The following TLL1 variants were observed in gnomAD, a reference collection of about 807,000 sequenced individuals.
The protein encoded by TLL1 is tolloid like 1, also known as tolloid-like protein 1.
Under a neutral mutation model 128.2 loss-of-function variants are expected in TLL1, and 49 were observed. The ratio of observed to expected loss-of-function variants is 0.38; its 90% confidence interval spans 0.30 to 0.48. The LOEUF (loss-of-function observed/expected upper bound fraction) is 0.48, where lower values mean the gene tolerates loss of function less well. Ranked by LOEUF, TLL1 falls within the 20% of genes least tolerant of loss-of-function variation. The probability of loss-of-function intolerance (pLI) is 0.96; values close to 1 mark genes in which losing one functional copy is unlikely to be tolerated. For missense variants in TLL1, 1,123 were observed against 1,242.0 expected (o/e 0.90, Z 1.44); for synonymous variants, 454 against 418.8 (o/e 1.08, Z -1.03).
At chr4:165,906,759 C>G (rs1344047511) in intron 1 of TLL1, among the ~76,000 whole-genome samples, 2 of 150,854 alleles carry the variant, frequency 1.3e-5, no homozygotes, top group East Asian at 3.9e-4. Context: ...TTGAATTAGG[C>G]CTGTATCTTA....
rs558365812 is a variant in TLL1, at chr4:166,037,537, G to A, written c.1159-1802G>A. On this transcript the variant is annotated intron_variant, in intron 9 of 20. Transcript: ENST00000061240. ...TTAAAACCAATTTATGGCCAGGCAC[G>A]GTGGCTCATGCCTGCAATCCCAGAG... is the stretch of plus-strand genomic sequence containing the variant. Among the ~76,000 whole-genome samples, 11 of 152,220 alleles carry A rather than the reference G, an allele frequency of 7.2e-5. No individual in the cohort carries two copies. The South Asian group carries it at 2.3e-3, about 32-fold the overall frequency.
At chr4:165,923,090 T>C (rs1733105955) in intron 1 of TLL1, among the ~76,000 whole-genome samples, 1 of 152,188 alleles carries the variant, frequency 6.6e-6, no homozygotes, top group African/African-American at 2.4e-5. Flanking sequence ...GGCATTGAAA[T>C]TGGGCTGAGT....
At chr4:165,973,453 T>C (rs1735722141) in intron 1 of TLL1, among the ~76,000 whole-genome samples, 1 of 151,970 alleles carries the variant, frequency 6.6e-6, no homozygotes, top group Non-Finnish European at 1.5e-5. Context: ...GGGCTACAAG[T>C]AGGCAAGGTT....
intron 1 of TLL1, among the ~76,000 whole-genome samples, chr4:165,940,269 CTGTT>C (rs915980917): frequency 5.3e-5 from 8 of 151,846 alleles, no homozygotes; most frequent in African/African-American, 1.7e-4. Context: ...GCAATTAAAT[CTGTT>C]TGGTTCTTTC....
At chr4:165,983,802 CCAT>C (rs1456344053) in intron 1 of TLL1, among the ~76,000 whole-genome samples, 1 of 151,698 alleles carries the variant, frequency 6.6e-6, no homozygotes, top group Non-Finnish European at 1.5e-5. Flanking sequence ...AGTACTCCTA[CCAT>C]CTTTCAAAAA....
chr4:165,888,753 T>C (rs1731269926), intron 1 of TLL1, among the ~76,000 whole-genome samples: 1 of 152,170 alleles, frequency 6.6e-6, no homozygotes, highest in South Asian at 2.1e-4. Flanking sequence ...AAAATTCTCG[T>C]GTGCAAGTAC....
chr4:165,880,878 C>T (rs774959478), intron 1 of TLL1, among the ~76,000 whole-genome samples: 9 of 152,258 alleles, frequency 5.9e-5, no homozygotes, highest in South Asian at 4.1e-4. Flanking sequence ...AGCTCCTGGC[C>T]GGGTTGCTGC....
chr4:165,999,625 C>T (rs1215769396), intron 5 of TLL1, among the ~76,000 whole-genome samples: 1 of 146,624 alleles, frequency 6.8e-6, no homozygotes, highest in Admixed American at 6.7e-5. Context: ...GCCACAAAGT[C>T]CAGCTAATTT....
At chr4:166,098,321 C>T (rs958659219) in intron 19 of TLL1, among the ~76,000 whole-genome samples, 1 of 100,970 alleles carries the variant, frequency 9.9e-6, no homozygotes, top group African/African-American at 4.1e-5. Flanking sequence ...GGTGATAGAG[C>T]GAGAGTTCTT....
chr4:166,008,069 C>G (rs375675044), intron 7 of TLL1, 21 bp downstream of exon 7: 35 of 1,569,798 alleles, frequency 2.2e-5, no homozygotes, highest in Non-Finnish European at 3.1e-5. Context: ...CAGGTTATAC[C>G]TTTTGACTTT....
At chr4:166,087,696 T>C (rs1464711106) in intron 18 of TLL1, among the ~76,000 whole-genome samples, 2 of 152,216 alleles carry the variant, frequency 1.3e-5, no homozygotes, top group Non-Finnish European at 2.9e-5. Flanking sequence ...CCTCATTCTT[T>C]AGCTATTGCC....
In TLL1 at chr4:165,966,869, T is replaced by G. The variant is rs149025463; in HGVS notation, c.170-22512T>G. Among the ~76,000 whole-genome samples, 245 of 152,296 alleles carry G rather than the reference T, an allele frequency of 1.6e-3. 1 individual carries two copies. Among genetic ancestry groups the G allele is most frequent in the Non-Finnish European group, 3.0e-3 (201 of 68,018 alleles). ...GTTTTATGTCCCACTGGGCACGCAT[T>G]ATCATTGTTAAGATCTTATCAGGAG... On this transcript the variant is annotated intron_variant, in intron 1 of 20. Transcript: ENST00000061240.
At chr4:165,974,056 C>T (rs1316281284) in intron 1 of TLL1, among the ~76,000 whole-genome samples, 1 of 150,616 alleles carries the variant, frequency 6.6e-6, no homozygotes, top group Non-Finnish European at 1.5e-5. Context: ...TAGAACTGTA[C>T]CCTGGCATAG....
Position 165,995,098 on chromosome 4 carries a change from C to T in TLL1, c.552C>T (p.His184=). The T allele has an allele frequency of 6.2e-7, 1 of 1,613,874 alleles. No individual in the cohort carries two copies. Among genetic ancestry groups the T allele is most frequent in the South Asian group, 1.1e-5 (1 of 91,066 alleles). Residue 184 remains histidine, a synonymous_variant, in exon 5 of 21, where the codon CAC becomes CAT. Coordinates refer to ENST00000061240, the MANE Select transcript of TLL1 (RefSeq NM_012464.5). Reference sequence around the variant, plus strand: ...CCATGTTCAAGCAGGCCATGAGGCACTGGGAAAAGCACACATGTGTGACTT... The same window carrying T: ...CCATGTTCAAGCAGGCCATGAGGCATTGGGAAAAGCACACATGTGTGACTT... The part of the protein sequence containing the change: ...QRAMFKQAMR[H]WEKHTCVTFI...
Position 166,014,533 on chromosome 4 carries a change from C to T in TLL1, c.1015C>T (p.Gln339Ter). 1 of 1,612,240 alleles carries T rather than the reference C, an allele frequency of 6.2e-7. No individual in the cohort carries two copies. The highest frequency in any genetic ancestry group is 8.5e-7 in the Non-Finnish European group (1 of 1,178,672). The change falls in exon 8 of 21, where the codon CAG becomes TAG. Residue 339 changes from glutamine to a stop codon, truncating the protein, a stop_gained. Transcript: ENST00000061240. LOFTEE classifies it high-confidence loss of function. The stretch of plus-strand genomic sequence containing the variant: ...CCGTCTAAGCAAAGGAGATATCGCA[C>T]AGGCAAGAAAGCTGTATAGATGTCC... Reference protein sequence around the residue: ...RTRLSKGDIAQARKLYRCPAC... With the variant: ...RTRLSKGDIA
At chr4:166,030,756 A>G in intron 9 of TLL1, 9 of 1,125,484 alleles carry the variant, frequency 8.0e-6, no homozygotes, top group Non-Finnish European at 9.8e-6. Flanking sequence ...TTTATTCAGC[A>G]TTCCTGCTCA....
chr4:165,926,202 A>G (rs1477921072), intron 1 of TLL1, among the ~76,000 whole-genome samples: 1 of 152,216 alleles, frequency 6.6e-6, no homozygotes, highest in African/African-American at 2.4e-5. Context: ...TTGAAATTTC[A>G]GGAAGTATAT....
At chr4:166,026,718 A>G (rs1738513811) in intron 9 of TLL1, among the ~76,000 whole-genome samples, 1 of 152,114 alleles carries the variant, frequency 6.6e-6, no homozygotes, top group South Asian at 2.1e-4. Context: ...ACAAACCCCA[A>G]GGAAATAGAT....
intron 9 of TLL1, among the ~76,000 whole-genome samples, chr4:166,034,188 T>C (rs72697377): frequency 0.14 from 20,686 of 152,060 alleles, 1,515 homozygotes; most frequent in East Asian, 0.27. Context: ...AAAAAGAAAA[T>C]ACAATTTATC....
Sources: allele counts gnomAD v4.1 joint callset (sites outside exome capture counted in the v4.1 genomes callset), GRCh38; gene constraint gnomAD v4.1.1; transcripts MANE v1.5; gene names NCBI Gene and HGNC (gene_info 2026-07-23, HGNC 2026-07-21).